The following MNT variants were observed in gnomAD, a reference collection of about 807,000 sequenced individuals.
MNT encodes the protein MAX network transcriptional repressor.
Under a neutral mutation model 40.7 loss-of-function variants are expected in MNT, and 13 were observed. That is an observed-to-expected ratio of 0.32 (90% CI 0.21 to 0.51). The LOEUF (loss-of-function observed/expected upper bound fraction) is 0.51. Ranked by LOEUF, MNT falls within the 20% of genes least tolerant of loss-of-function variation. The pLI is 0.98. For synonymous variants in MNT, 426 were observed against 354.8 expected (o/e 1.20, Z -2.26); for missense variants, 757 against 792.0 (o/e 0.96, Z 0.53).
At chr17:2,394,441 T>A in intron 2 of MNT, 95 bp from the exon 3 acceptor site, 1 of 1,573,388 alleles carries the variant, frequency 6.4e-7, no homozygotes, top group Non-Finnish European at 8.7e-7. Context: ...CACAGGCTGT[T>A]TGTCCCCAAC....
intron 1 of MNT, among the ~76,000 whole-genome samples, chr17:2,399,031 G>C (rs2066596186): frequency 6.6e-6 from 1 of 150,712 alleles, no homozygotes; most frequent in Admixed American, 6.6e-5. Context: ...GCCCGCCGCG[G>C]CGGCGGCACA....
chr17:2,395,736 C>T lies in MNT; in HGVS notation c.74-282G>A, dbSNP rs570855767. 3.9e-5 allele frequency among the ~76,000 whole-genome samples: 6 copies of T among 152,108 alleles called. 1 individual carries two copies. The highest frequency in any genetic ancestry group is 1.3e-4 in the Admixed American group (2 of 15,298). On this transcript the variant is annotated intron_variant, in intron 1 of 5. Coordinates refer to ENST00000174618, the MANE Select transcript of MNT (RefSeq NM_020310.3). The stretch of plus-strand genomic sequence containing the variant: ...CAGTCCGGGCTGCGGGCAGGACAGG[C>T]GGCCCTGGAAAGGTGGAGCAGAGCT...
rs1355598124 is a variant in MNT, at chr17:2,386,821, T to C, written c.*80A>G. The C allele has an allele frequency of 7.3e-6, 10 of 1,361,082 alleles. No individual in the cohort carries two copies. Among genetic ancestry groups the C allele is most frequent in the Non-Finnish European group, 9.7e-6 (10 of 1,034,692 alleles). The allele number at this position is 1,361,082 out of a possible 1,614,324, so 84.3% of individuals were successfully genotyped here. A position where few individuals can be genotyped will look rare whatever the true frequency, so the allele number is the denominator to read the frequency against. ...GGGGCTGGCCTGGGCCTGGCTGGAATGTGTGGAGCTGGTGGGTGAGAGAGT... is the reference window on the plus strand; with the variant it reads ...GGGGCTGGCCTGGGCCTGGCTGGAACGTGTGGAGCTGGTGGGTGAGAGAGT... On this transcript the variant is annotated 3_prime_UTR_variant, in exon 6 of 6. Coordinates refer to ENST00000174618, the MANE Select transcript of MNT (RefSeq NM_020310.3).
In MNT at chr17:2,400,402, C is replaced by A. The variant is rs909856767; in HGVS notation, c.73+238G>T. 3.7e-5 allele frequency: 16 copies of A among 433,028 alleles called. 1 individual carries two copies. The Admixed American group carries it at 5.3e-4, about 14-fold the overall frequency. The allele number at this position is 433,028 out of a possible 1,614,324, so 26.8% of individuals were successfully genotyped here. The stretch of plus-strand genomic sequence containing the variant: ...ACAGAAGGGGCACAGGGGTGCCACG[C>A]AGCCGGGGTGGCGCCCGCAGGAGCC... On this transcript the variant is annotated intron_variant, in intron 1 of 5. Transcript: ENST00000174618.
In MNT at chr17:2,387,077, A is replaced by C. The variant is rs1170389844; in HGVS notation, c.1573T>G (p.Ser525Ala). ...VAVSHIAHTL[S>A]HQQVNGTAGL... Reference sequence around the variant, plus strand: ...GCCGTGCCGTTGACTTGCTGGTGCGAGAGGGTGTGGGCGATGTGGCTCACT... The same window carrying C: ...GCCGTGCCGTTGACTTGCTGGTGCGCGAGGGTGTGGGCGATGTGGCTCACT... The change falls in exon 6 of 6, where the codon TCG becomes GCG. Residue 525 changes from serine (S) to alanine (A), a missense_variant. Ser to Ala is a moderately conservative substitution (Grantham distance 99). This residue lies in a region of MNT where 345 missense variants were observed against 380.1 expected (regional missense o/e 0.91). Coordinates refer to ENST00000174618, the MANE Select transcript of MNT (RefSeq NM_020310.3). The C allele has an allele frequency of 1.3e-6, 2 of 1,570,044 alleles. No individual in the cohort carries two copies. The highest frequency in any genetic ancestry group is 1.7e-6 in the Non-Finnish European group (2 of 1,157,816).
At chr17:2,396,859 G>A (rs1433170325) in intron 1 of MNT, 4 of 152,338 alleles carry the variant, frequency 2.6e-5, no homozygotes, top group Admixed American at 2.6e-4. Flanking sequence ...CAAACACCCG[G>A]GCAAGGGGTG....
chr17:2,393,046 C>G (rs1193246892), intron 4 of MNT, among the ~76,000 whole-genome samples: 2 of 151,926 alleles, frequency 1.3e-5, no homozygotes, highest in Non-Finnish European at 1.5e-5. Context: ...CGCGCTGGAC[C>G]CTCCTCGCCA....
chr17:2,387,278 C>T lies in MNT; in HGVS notation c.1372G>A (p.Val458Ile), dbSNP rs759763898. The change falls in exon 6 of 6, where the codon GTT (valine) becomes ATT (isoleucine). Residue 458 changes from valine to isoleucine, a missense_variant. By Grantham distance (29) the Val-to-Ile change is conservative. Coordinates refer to ENST00000174618, the MANE Select transcript of MNT (RefSeq NM_020310.3). ...HASVIQTVNH[V>I]LQGPGGKHIA... ...TGCTTGCCGCCTGGCCCCTGCAGAA[C>T]GTGGTTCACAGTCTGGATGACTGAA... 3.7e-6 allele frequency: 6 copies of T among 1,613,316 alleles called. No homozygotes were observed. The highest frequency in any genetic ancestry group is 1.3e-5 in the African/African-American group (1 of 75,032).
rs1399216372 is a variant in MNT at position 2,387,214 on chromosome 17, A to T, written c.1436T>A (p.Val479Glu). 4 of 1,609,352 alleles carry T rather than the reference A, an allele frequency of 2.5e-6. No individual in the cohort carries two copies. Among genetic ancestry groups the T allele is most frequent in the Non-Finnish European group, 3.4e-6 (4 of 1,178,588 alleles). Residue 479 changes from valine (V) to glutamate (E), a missense_variant, in exon 6 of 6, where the codon GTG (valine) becomes GAG (glutamate). By Grantham distance (121) the Val-to-Glu change is moderately radical (BLOSUM62 -2). Coordinates refer to ENST00000174618, the MANE Select transcript of MNT (RefSeq NM_020310.3). ...GGGGGGTGTGGCAGGCGCCAGTTGC[A>T]CCGCAGGGCTGGGGGCCGAGGGGGC... ...HIAPSAPSPA[V>E]QLAPATPPIG... is the part of the protein sequence containing the mutation.
intron 4 of MNT, chr17:2,392,908 G>C (rs1567867562): frequency 6.6e-6 from 1 of 152,280 alleles, no homozygotes; most frequent in Non-Finnish European, 1.5e-5. Flanking sequence ...GGAGAGAGCT[G>C]CCCCCCTGGA....
At chr17:2,393,503 C>G (rs1414832728) in intron 4 of MNT, among the ~76,000 whole-genome samples, 1 of 152,232 alleles carries the variant, frequency 6.6e-6, no homozygotes, top group Non-Finnish European at 1.5e-5. Context: ...CAGGCGTAAC[C>G]CCACACTCGG....
chr17:2,399,270 G>A (rs927886601), intron 1 of MNT, among the ~76,000 whole-genome samples: 2 of 152,102 alleles, frequency 1.3e-5, no homozygotes, highest in African/African-American at 4.8e-5. Flanking sequence ...TTTCCCGCCA[G>A]CCCCTCTGCA....
At chr17:2,400,030 C>T (rs2066603711) in intron 1 of MNT, among the ~76,000 whole-genome samples, 1 of 152,216 alleles carries the variant, frequency 6.6e-6, no homozygotes, top group Admixed American at 6.5e-5. Context: ...CACGCGATGT[C>T]ATTTCATTCT....
intron 1 of MNT, 164 bp downstream of exon 1, chr17:2,400,476 A>T (rs750802997): frequency 9.6e-5 from 54 of 564,118 alleles, no homozygotes; most frequent in Non-Finnish European, 1.1e-4. Context: ...TTCACTGCCC[A>T]CATCACCCCT....
rs961612511 is a variant in MNT, at chr17:2,385,154, G to A, written c.*1747C>T. ...CTGTCCCTTTACCCACACCAGGAGA[G>A]AGAAATAAGGAACAGTCCCCTGGGA... On this transcript the variant is annotated 3_prime_UTR_variant, in exon 6 of 6. Transcript: ENST00000174618. 1 of 152,252 alleles carries A rather than the reference G, an allele frequency of 6.6e-6. No homozygotes were observed. Among genetic ancestry groups the A allele is most frequent in the South Asian group, 2.1e-4 (1 of 4,838 alleles). 9.4% of individuals were successfully genotyped at this position (152,252 alleles called of 1,614,324 possible).
chr17:2,393,970 GGGCGCGGCCGGGGGA>G (rs2066550464), intron 4 of MNT, 58 bp downstream of exon 4: 2 of 1,050,022 alleles, frequency 1.9e-6, no homozygotes, highest in South Asian at 3.8e-5. Context: ...GGGCGGGGCG[GGGCGCGGCCGGGGGA>G]GGGGCGGCGG....
At position 2,394,295 on chromosome 17, in the gene MNT, A is replaced by G. The variant is rs1567868721; in HGVS notation, c.695+10T>C. ...CACGCACGCACACACACACACACAC[A>G]CACACACACCTGTTCTTCTCCAATT... On this transcript the variant is annotated intron_variant, in intron 3 of 5. Coordinates refer to ENST00000174618, the MANE Select transcript of MNT (RefSeq NM_020310.3). 2 of 1,613,070 alleles carry G rather than the reference A, an allele frequency of 1.2e-6. No individual in the cohort carries two copies. Among genetic ancestry groups the G allele is most frequent in the South Asian group, 2.2e-5 (2 of 91,030 alleles).
At chr17:2,388,121 C>T (rs1356311272) in intron 4 of MNT, 72 bp from the exon 5 acceptor site, 2 of 1,421,902 alleles carry the variant, frequency 1.4e-6, no homozygotes, top group Non-Finnish European at 1.9e-6. Context: ...CCACAAACCT[C>T]TCCCTATCAG....
In MNT at chr17:2,395,420, TCGCTCCTGCTCC is replaced by T; in HGVS notation, c.96_107del (p.Arg36_Glu39del). 1 of 1,613,156 alleles carries T rather than the reference TCGCTCCTGCTCC, an allele frequency of 6.2e-7. No homozygotes were observed. Among genetic ancestry groups the T allele is most frequent in the South Asian group, 1.1e-5 (1 of 91,066 alleles). ...TATTGGCCTTCTTCTGTTCCTGCTC[TCGCTCCTGCTCC>T]AAGCGAAGCCGCTCCTGCTCCTCTA... On this transcript the variant is annotated inframe_deletion, in exon 2 of 6. Transcript: ENST00000174618.
Sources: allele counts gnomAD v4.1 joint callset (sites outside exome capture counted in the v4.1 genomes callset), GRCh38; gene constraint gnomAD v4.1.1; regional missense constraint gnomAD v4.1.1; transcripts MANE v1.5; gene names NCBI Gene and HGNC (gene_info 2026-07-23, HGNC 2026-07-21).